BBS9: variants seen among roughly 807,000 people sequenced by gnomAD.
The protein encoded by BBS9 is Bardet-Biedl syndrome 9, also known as protein PTHB1.
In BBS9, 89 loss-of-function variants were observed where a neutral mutation model predicts 117.7. The observed-to-expected ratio is 0.76, with a 90% CI of 0.64 to 0.90. BBS9 has a LOEUF of 0.90. Among genes scored for constraint, BBS9 ranks in the 40% least tolerant of loss-of-function variants. The pLI is 0.00. For missense variants in BBS9, 982 were observed against 1,042.2 expected (o/e 0.94, Z 0.80); for synonymous variants, 379 against 370.9 (o/e 1.02, Z -0.25).
At chr7:33,406,502 G>A (rs377169116) in intron 19 of BBS9, among the ~76,000 whole-genome samples, 1,945 of 151,626 alleles carry the variant, frequency 0.013, 30 homozygotes, top group African/African-American at 0.04. Context: ...TATTTTGCTC[G>A]TTAGTTGATG....
intron 4 of BBS9, among the ~76,000 whole-genome samples, chr7:33,167,783 C>T (rs1795930842): frequency 6.6e-6 from 1 of 152,056 alleles, no homozygotes; most frequent in Non-Finnish European, 1.5e-5. Flanking sequence ...TTGTCGGGGT[C>T]CTTTCTATCC....
intron 20 of BBS9, among the ~76,000 whole-genome samples, chr7:33,520,667 T>C (rs142590703): frequency 6.6e-6 from 1 of 152,280 alleles, no homozygotes; most frequent in African/African-American, 2.4e-5. Context: ...CTTCCCCTTA[T>C]GTGGAAATAT....
chr7:33,340,988 A>G lies in BBS9; in HGVS notation c.1275+15A>G. The G allele has an allele frequency of 1.9e-6, 3 of 1,605,722 alleles. No homozygotes were observed. Among genetic ancestry groups the G allele is most frequent in the South Asian group, 1.1e-5 (1 of 90,948 alleles). ...ATTCAGTTTCTGTAGGTGTACTTGC[A>G]GATTTTAAAGGGGTTTATAAGAGTG... On this transcript the variant is annotated intron_variant, in intron 11 of 22. Coordinates refer to ENST00000242067, the MANE Select transcript of BBS9 (RefSeq NM_198428.3).
chr7:33,271,785 T>TA (rs1410784905), intron 7 of BBS9, among the ~76,000 whole-genome samples: 1 of 152,122 alleles, frequency 6.6e-6, no homozygotes, highest in East Asian at 1.9e-4. Context: ...CCACTGACCC[T>TA]ATGAGACAGA....
intron 19 of BBS9, among the ~76,000 whole-genome samples, chr7:33,397,041 C>A (rs1474231560): frequency 6.6e-6 from 1 of 152,052 alleles, no homozygotes; most frequent in Non-Finnish European, 1.5e-5. Context: ...AACAGACAAC[C>A]TACAGAATGG....
At chr7:33,573,217 G>T (rs1858133547) in intron 21 of BBS9, among the ~76,000 whole-genome samples, 1 of 151,710 alleles carries the variant, frequency 6.6e-6, no homozygotes, top group East Asian at 1.9e-4. Context: ...AATTTCTCCT[G>T]GTTCTTTTTA....
intron 9 of BBS9, among the ~76,000 whole-genome samples, chr7:33,284,335 CT>C (rs1802478276): frequency 6.6e-6 from 1 of 152,094 alleles, no homozygotes; most frequent in South Asian, 2.1e-4. Context: ...GTAAGTTTTG[CT>C]GTATTATCTT....
At chr7:33,527,603 G>A (rs901156759) in intron 20 of BBS9, among the ~76,000 whole-genome samples, 2 of 152,136 alleles carry the variant, frequency 1.3e-5, no homozygotes, top group Admixed American at 6.5e-5. Context: ...GCCCTGCTTC[G>A]GCTCGCGCAC....
chr7:33,245,748 A>G (rs753543834), intron 5 of BBS9, among the ~76,000 whole-genome samples: 2 of 152,160 alleles, frequency 1.3e-5, no homozygotes, highest in Non-Finnish European at 2.9e-5. Context: ...AGTTAAACAG[A>G]TATTTTTGGA....
chr7:33,245,330 C>T (rs1456933764), intron 5 of BBS9, among the ~76,000 whole-genome samples: 1 of 151,970 alleles, frequency 6.6e-6, no homozygotes, highest in East Asian at 1.9e-4. Flanking sequence ...CCCCTCTCTT[C>T]TTAACAGATC....
intron 19 of BBS9, among the ~76,000 whole-genome samples, chr7:33,488,462 T>A (rs1267056551): frequency 6.6e-6 from 1 of 152,176 alleles, no homozygotes; most frequent in Non-Finnish European, 1.5e-5. Flanking sequence ...TAAAGGAGGA[T>A]GTTGATGTGA....
At chr7:33,420,992 T>A (rs965732183) in intron 19 of BBS9, among the ~76,000 whole-genome samples, 3 of 152,186 alleles carry the variant, frequency 2.0e-5, no homozygotes, top group Non-Finnish European at 4.4e-5. Flanking sequence ...TTGTGGCATC[T>A]TGGGCCAACA....
intron 19 of BBS9, among the ~76,000 whole-genome samples, chr7:33,432,679 C>T (rs978650283): frequency 2.6e-5 from 4 of 151,888 alleles, no homozygotes; most frequent in South Asian, 2.1e-4. Flanking sequence ...TGTTGTTATT[C>T]GAAATGGAAG....
At chr7:33,414,859 G>GT (rs57919267) in intron 19 of BBS9, among the ~76,000 whole-genome samples, 152,287 of 152,288 alleles carry the variant, frequency 1, 76,143 homozygotes, top group Middle Eastern at 1. Flanking sequence ...TAATACAAAT[G>GT]TTCACTTCAG....
At chr7:33,340,799 G>T (rs189926191) in intron 10 of BBS9, 98 bp from the exon 11 acceptor site, 62 of 983,004 alleles carry the variant, frequency 6.3e-5, no homozygotes, top group East Asian at 1.1e-4. Context: ...TGTTTATGGG[G>T]TTTTTTTTAT....
At chr7:33,303,628 C>T (rs886512024) in intron 9 of BBS9, among the ~76,000 whole-genome samples, 2 of 150,338 alleles carry the variant, frequency 1.3e-5, no homozygotes, top group African/African-American at 2.4e-5. Context: ...CCATGATTCA[C>T]CTGCCGAGTG....
At chr7:33,334,894 C>T (rs1037038614) in intron 9 of BBS9, among the ~76,000 whole-genome samples, 10 of 152,156 alleles carry the variant, frequency 6.6e-5, no homozygotes, top group Non-Finnish European at 1.3e-4. Context: ...TTTTATTCCT[C>T]TCAAGTAATA....
intron 20 of BBS9, among the ~76,000 whole-genome samples, chr7:33,511,984 T>C (rs1177791089): frequency 6.6e-6 from 1 of 152,210 alleles, no homozygotes; most frequent in Non-Finnish European, 1.5e-5. Flanking sequence ...CAGTATTAAG[T>C]CTGCCTTTGT....
intron 19 of BBS9, among the ~76,000 whole-genome samples, chr7:33,423,355 C>A (rs1393497361): frequency 1.3e-5 from 2 of 151,714 alleles, no homozygotes; most frequent in Admixed American, 6.6e-5. Flanking sequence ...AGCACAAAAT[C>A]AAAAAGATAG....
Sources: allele counts gnomAD v4.1 joint callset (sites outside exome capture counted in the v4.1 genomes callset), GRCh38; gene constraint gnomAD v4.1.1; transcripts MANE v1.5; gene names NCBI Gene and HGNC (gene_info 2026-07-23, HGNC 2026-07-21).